The following AFG2A variants were observed in gnomAD, a reference collection of about 807,000 sequenced individuals.
AFG2A encodes ATPase family gene 2 protein homolog A.
the AFG2A span, among the ~76,000 whole-genome samples, chr4:123,251,735 A>G: frequency 6.6e-6 from 1 of 152,126 alleles, no homozygotes; most frequent in Admixed American, 6.5e-5. Flanking sequence ...AGGTAGAAAG[A>G]AGTGATTTCC....
At chr4:122,923,299 G>A in the AFG2A span, 2 of 1,613,876 alleles carry the variant, frequency 1.2e-6, no homozygotes, top group Non-Finnish European at 8.5e-7. Flanking sequence ...CAACTTATTA[G>A]AAAAGGGTAA....
chr4:122,985,340 G>A, the AFG2A span, among the ~76,000 whole-genome samples: 1 of 152,010 alleles, frequency 6.6e-6, no homozygotes, highest in African/African-American at 2.4e-5. Context: ...TGTTGGTCAG[G>A]CTTGTCTCTA....
chr4:122,927,894 T>G, the AFG2A span: 1 of 1,234,748 alleles, frequency 8.1e-7, no homozygotes, highest in South Asian at 1.5e-5. Flanking sequence ...GATTTCAGAT[T>G]TGGGATGCTT....
the AFG2A span, among the ~76,000 whole-genome samples, chr4:123,249,032 A>G: frequency 6.6e-6 from 1 of 152,226 alleles, no homozygotes; most frequent in African/African-American, 2.4e-5. Context: ...TTGTCCAAAC[A>G]CACAGCTAAT....
At chr4:123,098,767 C>T in the AFG2A span, among the ~76,000 whole-genome samples, 2 of 151,854 alleles carry the variant, frequency 1.3e-5, no homozygotes, top group East Asian at 1.9e-4. Context: ...GCTTATTCTT[C>T]GATGCATACT....
At chr4:123,058,995 T>C in the AFG2A span, among the ~76,000 whole-genome samples, 1 of 152,106 alleles carries the variant, frequency 6.6e-6, no homozygotes, top group East Asian at 1.9e-4. Context: ...AATTTGTTAC[T>C]TCCTAGGTAC....
chr4:122,929,015 C>T, the AFG2A span: 2 of 1,606,952 alleles, frequency 1.2e-6, no homozygotes, highest in Non-Finnish European at 1.7e-6. Context: ...TATTTTCTAA[C>T]ATTTTTATTT....
the AFG2A span, among the ~76,000 whole-genome samples, chr4:123,171,863 G>A: frequency 1.3e-5 from 2 of 151,896 alleles, no homozygotes; most frequent in African/African-American, 2.4e-5. Context: ...TGTGTGTGAC[G>A]TAGTTTAAAA....
chr4:123,070,085 T>C, the AFG2A span, among the ~76,000 whole-genome samples: 68,184 of 151,956 alleles, frequency 0.45, 18,596 homozygotes, highest in Non-Finnish European at 0.6. Flanking sequence ...TCTGTTGACC[T>C]ATGCTGTTTG....
chr4:123,143,105 A>T, the AFG2A span, among the ~76,000 whole-genome samples: 1 of 152,012 alleles, frequency 6.6e-6, no homozygotes, highest in African/African-American at 2.4e-5. Flanking sequence ...AAATCCAAAA[A>T]AAATCTGAAA....
chr4:122,929,665 C>T, the AFG2A span, among the ~76,000 whole-genome samples: 1 of 151,498 alleles, frequency 6.6e-6, no homozygotes, highest in South Asian at 2.1e-4. Context: ...CGCCACTGCA[C>T]TCCAGCCTGG....
chr4:123,000,451 T>C, the AFG2A span, among the ~76,000 whole-genome samples: 1 of 151,942 alleles, frequency 6.6e-6, no homozygotes, highest in East Asian at 1.9e-4. Flanking sequence ...TTGTCATAGA[T>C]AGCTCTTATT....
the AFG2A span, among the ~76,000 whole-genome samples, chr4:123,062,689 G>A: frequency 2.0e-5 from 3 of 152,128 alleles, no homozygotes; most frequent in African/African-American, 7.2e-5. Context: ...ACCATTGTAG[G>A]TAGTGGTAAC....
the AFG2A span, among the ~76,000 whole-genome samples, chr4:123,305,238 G>T: frequency 6.6e-6 from 1 of 152,084 alleles, no homozygotes; most frequent in African/African-American, 2.4e-5. Context: ...TTTCTTTGAG[G>T]ATATCGATAA....
the AFG2A span, chr4:123,313,784 T>G: frequency 9.3e-7 from 1 of 1,079,158 alleles, no homozygotes; most frequent in Non-Finnish European, 1.3e-6. Flanking sequence ...AATGGGCATT[T>G]AGTTGTAGAA....
At chr4:122,996,585 A>ATAGAT in the AFG2A span, among the ~76,000 whole-genome samples, 1 of 151,302 alleles carries the variant, frequency 6.6e-6, no homozygotes, top group Admixed American at 6.6e-5. Context: ...AGATAGATAG[A>ATAGAT]TAGATAGATA....
the AFG2A span, among the ~76,000 whole-genome samples, chr4:123,024,227 C>CAAA: frequency 0.15 from 19,050 of 123,136 alleles, 1,759 homozygotes; most frequent in East Asian, 0.42. Context: ...AGACTATAAG[C>CAAA]AAAAAAAAAA....
chr4:123,097,498 T>C, the AFG2A span, among the ~76,000 whole-genome samples: 1 of 152,150 alleles, frequency 6.6e-6, no homozygotes, highest in Non-Finnish European at 1.5e-5. Context: ...GAATAGTCTT[T>C]GGTGAGCCAT....
At chr4:122,979,353 T>G in the AFG2A span, 1 of 1,614,156 alleles carries the variant, frequency 6.2e-7, no homozygotes, top group Non-Finnish European at 8.5e-7. Context: ...TCAGACCCAG[T>G]GCCATGAGGG....
Sources: gnomAD v4.1 joint callset for allele counts (sites outside exome capture counted in the v4.1 genomes callset) on GRCh38, gnomAD v4.1.1 for gene constraint, MANE v1.5 for transcripts, NCBI Gene and HGNC (gene_info 2026-07-23, HGNC 2026-07-21) for gene names.